ZNF362: variants seen among roughly 807,000 people sequenced by gnomAD.
ZNF362 encodes rotund homolog.
Under a neutral mutation model 42.9 loss-of-function variants are expected in ZNF362, and 11 were observed. That is an observed-to-expected ratio of 0.26 (90% CI 0.16 to 0.42). The LOEUF is 0.42. Ranked by LOEUF, ZNF362 falls within the 20% of genes least tolerant of loss-of-function variation. The pLI is 1.00. For synonymous variants in ZNF362, 255 were observed against 257.3 expected, an observed-to-expected ratio of 0.99 and a Z score of 0.09; for missense variants, 362 against 576.2, an observed-to-expected ratio of 0.63 and a Z score of 3.81.
At chr1:33,161,329 C>T in the ZNF362 span, among the ~76,000 whole-genome samples, 23 of 152,256 alleles carry the variant, frequency 1.5e-4, no homozygotes, top group Middle Eastern at 3.4e-3. The surrounding 1 kb of genome is among the most constrained non-coding windows in gnomAD (Gnocchi z 4.3). Context: ...AACGTCAGGA[C>T]GACACGGGCT....
the ZNF362 span, among the ~76,000 whole-genome samples, chr1:33,201,194 G>T: frequency 6.6e-6 from 1 of 152,162 alleles, no homozygotes; most frequent in Non-Finnish European, 1.5e-5. Context: ...CACAATGATA[G>T]TAGGAGATTC....
chr1:33,255,693 C>G (rs1645782162), upstream of ZNF362, among the ~76,000 whole-genome samples: 1 of 152,134 alleles, frequency 6.6e-6, no homozygotes, highest in Admixed American at 6.5e-5. Flanking sequence ...CCGCCCCATC[C>G]GTCGGGGATC....
At chr1:33,185,544 C>T in the ZNF362 span, among the ~76,000 whole-genome samples, 3 of 152,116 alleles carry the variant, frequency 2.0e-5, no homozygotes, top group African/African-American at 7.2e-5. Context: ...TTTCACTTTA[C>T]TTCCCAGTGT....
At chr1:33,201,231 G>T in the ZNF362 span, among the ~76,000 whole-genome samples, 5 of 152,142 alleles carry the variant, frequency 3.3e-5, no homozygotes, top group Non-Finnish European at 7.4e-5. Context: ...GAAGTTGATA[G>T]AAAGAGTAGG....
chr1:33,152,331 C>T, the ZNF362 span, among the ~76,000 whole-genome samples: 1 of 152,088 alleles, frequency 6.6e-6, no homozygotes, highest in Non-Finnish European at 1.5e-5. Flanking sequence ...TTTGGGAGGC[C>T]GAGGCAGGCG....
rs950242378 is a variant in ZNF362, at chr1:33,281,507, GTC to G, written c.684-74_684-73del. 7.2e-7 allele frequency: 1 copy of G among 1,389,486 alleles called. No individual in the cohort carries two copies. The highest frequency in any genetic ancestry group is 1.4e-5 in the African/African-American group (1 of 70,712). The allele number at this position is 1,389,486 out of a possible 1,614,324, so 86.1% of individuals were successfully genotyped here. A position where few individuals can be genotyped will look rare whatever the true frequency, so the allele number is the denominator to read the frequency against. Reference sequence around the variant, plus strand: ...AGGAAAGACCTGTCCCAGGTGCAAGGTCTCTCTGATGTAGAAGGCCTCCCCTG... The same window carrying G: ...AGGAAAGACCTGTCCCAGGTGCAAGGTCTCTGATGTAGAAGGCCTCCCCTG... On this transcript the variant is annotated intron_variant, in intron 5 of 8. Coordinates refer to ENST00000539719, the MANE Select transcript of ZNF362 (RefSeq NM_152493.3). The surrounding 1 kb of genome is among the most constrained non-coding windows in gnomAD (Gnocchi z 4.8).
chr1:33,136,566 C>A, the ZNF362 span, among the ~76,000 whole-genome samples: 3 of 150,984 alleles, frequency 2.0e-5, no homozygotes, highest in African/African-American at 7.3e-5. Flanking sequence ...GACAGGGTTT[C>A]GCCATGTTGG....
chr1:33,224,523 A>G, the ZNF362 span, among the ~76,000 whole-genome samples: 6 of 152,308 alleles, frequency 3.9e-5, no homozygotes, highest in Non-Finnish European at 8.8e-5. Context: ...GGGATCTATA[A>G]TTGCAAGAGA....
chr1:33,241,026 T>C, the ZNF362 span, among the ~76,000 whole-genome samples: 1 of 152,082 alleles, frequency 6.6e-6, no homozygotes, highest in African/African-American at 2.4e-5. Context: ...ACCTTTGAAG[T>C]GCTGGGTAAT....
At chr1:33,210,992 G>C in the ZNF362 span, among the ~76,000 whole-genome samples, 1 of 151,432 alleles carries the variant, frequency 6.6e-6, no homozygotes, top group South Asian at 2.1e-4. Flanking sequence ...GGAGTGCAGT[G>C]GCACAATCCT....
the ZNF362 span, among the ~76,000 whole-genome samples, chr1:33,237,058 A>C: frequency 6.6e-6 from 1 of 152,174 alleles, no homozygotes; most frequent in Admixed American, 6.5e-5. Context: ...GCACAGAGCG[A>C]GATTCTGTCT....
chr1:33,171,239 A>T, the ZNF362 span, among the ~76,000 whole-genome samples: 4 of 152,208 alleles, frequency 2.6e-5, no homozygotes, highest in Non-Finnish European at 4.4e-5. Flanking sequence ...ATACAGCTTA[A>T]CCCTGAGGAA....
At chr1:33,216,523 CCAGGAGG>C in the ZNF362 span, among the ~76,000 whole-genome samples, 1 of 133,442 alleles carries the variant, frequency 7.5e-6, no homozygotes, top group Non-Finnish European at 1.6e-5. Context: ...TCCCTTGAAC[CCAGGAGG>C]CAGAGGTTGC....
the ZNF362 span, among the ~76,000 whole-genome samples, chr1:33,151,215 GC>G: frequency 6.6e-6 from 1 of 152,140 alleles, no homozygotes; most frequent in Admixed American, 6.5e-5. Flanking sequence ...GTGAATGCCA[GC>G]CCTGGCGAGC....
At chr1:33,210,136 T>C in the ZNF362 span, among the ~76,000 whole-genome samples, 1 of 152,222 alleles carries the variant, frequency 6.6e-6, no homozygotes, top group Non-Finnish European at 1.5e-5. Context: ...GTCTTTGTTC[T>C]TATTGGTTTC....
At chr1:33,183,357 C>G in the ZNF362 span, among the ~76,000 whole-genome samples, 1 of 152,222 alleles carries the variant, frequency 6.6e-6, no homozygotes, top group Non-Finnish European at 1.5e-5. Flanking sequence ...AACACTTTCT[C>G]CATCACACCC....
chr1:33,261,835 T>G (rs1266390402), intron 1 of ZNF362, among the ~76,000 whole-genome samples: 1 of 152,216 alleles, frequency 6.6e-6, no homozygotes, highest in African/African-American at 2.4e-5. Flanking sequence ...CACGTGCATC[T>G]CTGTCTGCTA....
chr1:33,177,469 C>A, the ZNF362 span, among the ~76,000 whole-genome samples: 1 of 152,142 alleles, frequency 6.6e-6, no homozygotes, highest in East Asian at 1.9e-4. The surrounding 1 kb of genome is among the most constrained non-coding windows in gnomAD (Gnocchi z 4.1). Flanking sequence ...ATGTCAGGAT[C>A]TGACCCCTGT....
the ZNF362 span, among the ~76,000 whole-genome samples, chr1:33,166,947 T>C: frequency 2.0e-5 from 3 of 152,192 alleles, no homozygotes; most frequent in Non-Finnish European, 4.4e-5. Flanking sequence ...TTCATCTTGA[T>C]TGCTGAGTTT....
Sources: allele counts gnomAD v4.1 joint callset (sites outside exome capture counted in the v4.1 genomes callset), GRCh38; gene constraint gnomAD v4.1.1; non-coding constraint Gnocchi (gnomAD v3.1); transcripts MANE v1.5; gene names NCBI Gene and HGNC (gene_info 2026-07-23, HGNC 2026-07-21).